SLFN14: variants seen among roughly 807,000 people sequenced by gnomAD.
The protein encoded by SLFN14 is protein SLFN14.
SLFN14 carries 47 observed loss-of-function variants against 58.6 expected under a neutral mutation model. That is an observed-to-expected ratio of 0.80 (90% CI 0.64 to 1.02). The LOEUF (loss-of-function observed/expected upper bound fraction) is 1.02. SLFN14 is among the 50% of genes least tolerant of loss of function. SLFN14 has a pLI of 0.00. For missense variants in SLFN14, 967 were observed against 1,078.4 expected (o/e 0.90, Z 1.45); for synonymous variants, 390 against 387.3 (o/e 1.01, Z -0.08).
In SLFN14 at chr17:35,553,432, T is replaced by C; in HGVS notation, c.1202A>G (p.Glu401Gly). The C allele has an allele frequency of 2.6e-6, 4 of 1,534,524 alleles. No homozygotes were observed. Among genetic ancestry groups the C allele is most frequent in the Non-Finnish European group, 3.5e-6 (4 of 1,138,150 alleles). Residue 401 changes from glutamate to glycine, a missense_variant, in exon 5 of 6, where the codon GAG becomes GGG. Coordinates refer to ENST00000674182, the MANE Select transcript of SLFN14 (RefSeq NM_001129820.2). ...GAGGGATTCTGGTTTAAATTGTACC[T>C]CTTCCTGTGTCACTGAAAATTCAAG... The part of the protein sequence containing the change: ...QRHLFPVTQE[E>G]VQFKPESLCK...
intron 3 of SLFN14, among the ~76,000 whole-genome samples, chr17:35,556,427 A>G (rs1051219760): frequency 1.9e-4 from 29 of 152,184 alleles, no homozygotes; most frequent in Non-Finnish European, 3.4e-4. Flanking sequence ...CAACAGGTTT[A>G]TAGACAATAA....
intron 3 of SLFN14, among the ~76,000 whole-genome samples, chr17:35,555,411 G>T (rs575927649): frequency 4.0e-5 from 6 of 151,702 alleles, no homozygotes; most frequent in Non-Finnish European, 8.8e-5. Context: ...AAAATTAGCT[G>T]GGCGTGGTGG....
chr17:35,552,692 A>G (rs1882643622), intron 5 of SLFN14, 38 bp downstream of exon 5: 1 of 1,334,496 alleles, frequency 7.5e-7, no homozygotes, highest in African/African-American at 1.5e-5. Flanking sequence ...ATATACACAT[A>G]CATATTTTTG....
At chr17:35,552,454 T>C (rs1443730975) in intron 5 of SLFN14, among the ~76,000 whole-genome samples, 2 of 152,048 alleles carry the variant, frequency 1.3e-5, no homozygotes, top group East Asian at 3.9e-4. Context: ...TAGCCAATCA[T>C]CTATTGCCTG....
chr17:35,544,589 C>T lies in SLFN14; in HGVS notation c.*3650G>A, dbSNP rs938554368. On this transcript the variant is annotated 3_prime_UTR_variant, in exon 6 of 6. Coordinates refer to ENST00000674182, the MANE Select transcript of SLFN14 (RefSeq NM_001129820.2). ...TGTTGCCCAGGCTGAAGTGCAGTGG[C>T]GCAATCTCAGCTCACTGCAACCTCC... is the stretch of plus-strand genomic sequence containing the variant. 1.4e-4 allele frequency among the ~76,000 whole-genome samples: 20 copies of T among 147,228 alleles called. No individual in the cohort carries two copies. Among genetic ancestry groups the T allele is most frequent in the African/African-American group, 2.6e-4 (10 of 39,210 alleles).
chr17:35,560,491 T>C (rs1276189941), intron 1 of SLFN14, among the ~76,000 whole-genome samples: 1 of 152,014 alleles, frequency 6.6e-6, no homozygotes, highest in Non-Finnish European at 1.5e-5. Context: ...CCACTCTCGA[T>C]ACATTTTTGT....
At position 35,545,006 on chromosome 17, in the gene SLFN14, A is replaced by G. The variant is rs1302328444; in HGVS notation, c.*3233T>C. ...ATCCATCATATTAAGACTTTGTAGA[A>G]AACATTGAGAATTCTAAAACAACCA... On this transcript the variant is annotated 3_prime_UTR_variant, in exon 6 of 6. Transcript: ENST00000674182. 6.6e-6 allele frequency among the ~76,000 whole-genome samples: 1 copy of G among 152,196 alleles called. No individual in the cohort carries two copies. Among genetic ancestry groups the G allele is most frequent in the Non-Finnish European group, 1.5e-5 (1 of 68,038 alleles).
rs1362472271 is a variant in SLFN14 at position 35,554,674 on chromosome 17, G to C, written c.1091C>G (p.Ser364Cys). The C allele has an allele frequency of 6.7e-7, 1 of 1,485,326 alleles. No individual in the cohort carries two copies. The highest frequency in any genetic ancestry group is 9.0e-7 in the Non-Finnish European group (1 of 1,110,868). 92.0% of individuals were successfully genotyped at this position (1,485,326 alleles called of 1,614,324 possible). A position where few individuals can be genotyped will look rare whatever the true frequency, so the allele number is the denominator to read the frequency against. ...AGATGAAGCTGATGAAATCAGGCAA[G>C]AGTTGTAGTCTGTGACCAAACTGGG... ...APPSLVTDYN[S>C]CLISSASSAR... Residue 364 changes from serine (S) to cysteine (C), a missense_variant, in exon 4 of 6, where the codon TCT becomes TGT. Ser to Cys is a moderately radical substitution (Grantham distance 112). Coordinates refer to ENST00000674182, the MANE Select transcript of SLFN14 (RefSeq NM_001129820.2).
chr17:35,560,764 T>A lies in SLFN14; in HGVS notation c.-124+3A>T, dbSNP rs1003084470. ...TTTTAAGAATTTTTTTTTTTTTTTT[T>A]ACCTATGCTCCTGTGTTTCCTCTTG... On this transcript the variant is annotated splice_donor_region_variant and intron_variant, in intron 1 of 5. Coordinates refer to ENST00000674182, the MANE Select transcript of SLFN14 (RefSeq NM_001129820.2). Among the ~76,000 whole-genome samples the A allele has an allele frequency of 6.6e-6, 1 of 151,870 alleles. No individual in the cohort carries two copies. The highest frequency in any genetic ancestry group is 1.9e-4 in the East Asian group (1 of 5,178).
In SLFN14 at chr17:35,545,976, T is replaced by A. The variant is rs1307664639; in HGVS notation, c.*2263A>T. 2.0e-5 allele frequency among the ~76,000 whole-genome samples: 3 copies of A among 152,190 alleles called. No individual in the cohort carries two copies. The highest frequency in any genetic ancestry group is 2.9e-5 in the Non-Finnish European group (2 of 68,018). ...TTATTCTACTTTCATCCTGATTGAA[T>A]TGTTTCACTAGACTAAGAACTGACA... On this transcript the variant is annotated 3_prime_UTR_variant, in exon 6 of 6. Transcript: ENST00000674182.
In SLFN14 at chr17:35,558,111, A is replaced by G. The variant is rs779829607; in HGVS notation, c.-44-5T>C. On this transcript the variant is annotated splice_region_variant and splice_polypyrimidine_tract_variant and intron_variant, in intron 2 of 5. Coordinates refer to ENST00000674182, the MANE Select transcript of SLFN14 (RefSeq NM_001129820.2). The stretch of plus-strand genomic sequence containing the variant: ...AACAATAAAAGAAAGGAGTTCCTAT[A>G]ATCAGGACAGAAATATTGTTTCTAT... The G allele has an allele frequency of 9.0e-6, 13 of 1,437,258 alleles. No homozygotes were observed. The South Asian group carries it at 1.6e-4, about 18-fold the overall frequency. 89.0% of individuals were successfully genotyped at this position (1,437,258 alleles called of 1,614,324 possible).
chr17:35,548,265 G>T lies in SLFN14; in HGVS notation c.2713C>A (p.Leu905Ile). The change falls in exon 6 of 6, where the codon CTT becomes ATT. Residue 905 changes from leucine (L) to isoleucine (I), a missense_variant. Coordinates refer to ENST00000674182, the MANE Select transcript of SLFN14 (RefSeq NM_001129820.2). ...CAGTAGGCTGCCCTCTTTTCATAAA[G>T]CAGGTAGAGGTGTTTAATGGCTCTT... The part of the protein sequence containing the change: ...ASRAIKHLYL[L>I]YEKRAAY The T allele has an allele frequency of 6.4e-7, 1 of 1,551,290 alleles. No homozygotes were observed. The highest frequency in any genetic ancestry group is 8.7e-7 in the Non-Finnish European group (1 of 1,146,762).
intron 2 of SLFN14, among the ~76,000 whole-genome samples, chr17:35,558,723 C>T (rs755592347): frequency 1.2e-4 from 19 of 152,030 alleles, no homozygotes; most frequent in Non-Finnish European, 1.8e-4. Context: ...AATCAGGAAA[C>T]GCCAACACTG....
chr17:35,551,639 A>G (rs1221569105), intron 5 of SLFN14, among the ~76,000 whole-genome samples: 2 of 152,040 alleles, frequency 1.3e-5, no homozygotes, highest in Admixed American at 1.3e-4. Flanking sequence ...CGGGTCTCTG[A>G]CTCCCTGGTC....
rs1176958761 is a variant in SLFN14 at position 35,547,108 on chromosome 17, A to G, written c.*1131T>C. On this transcript the variant is annotated 3_prime_UTR_variant, in exon 6 of 6. Coordinates refer to ENST00000674182, the MANE Select transcript of SLFN14 (RefSeq NM_001129820.2). ...GGATAAATGTAGGCAAAATTTGTATATGTTGGGGGCAGTAAGGAGAGGGTT... is the reference window on the plus strand; with the variant it reads ...GGATAAATGTAGGCAAAATTTGTATGTGTTGGGGGCAGTAAGGAGAGGGTT... Among the ~76,000 whole-genome samples, 1 of 152,174 alleles carries G rather than the reference A, an allele frequency of 6.6e-6. No homozygotes were observed. Among genetic ancestry groups the G allele is most frequent in the African/African-American group, 2.4e-5 (1 of 41,432 alleles).
rs777015044 is a variant in SLFN14, at chr17:35,548,329, A to G, written c.2649T>C (p.Cys883=). ...RTVVFGLSPE[C]DQSEEFHKLC... is the part of the protein sequence containing the mutation. Reference sequence around the variant, plus strand: ...GCTTATGAAATTCCTCTGACTGGTCACATTCTGGACTAAGCCCAAACACGA... The same window carrying G: ...GCTTATGAAATTCCTCTGACTGGTCGCATTCTGGACTAAGCCCAAACACGA... Residue 883 remains cysteine (C), a synonymous_variant, in exon 6 of 6, where the codon TGT becomes TGC. Coordinates refer to ENST00000674182, the MANE Select transcript of SLFN14 (RefSeq NM_001129820.2). The G allele has an allele frequency of 8.4e-6, 13 of 1,551,704 alleles. No homozygotes were observed. The South Asian group carries it at 1.3e-4, about 16-fold the overall frequency.
rs2072534383 is a variant in SLFN14, at chr17:35,546,328, AT to A, written c.*1910del. Among the ~76,000 whole-genome samples the A allele has an allele frequency of 6.6e-6, 1 of 152,230 alleles. No individual in the cohort carries two copies. Among genetic ancestry groups the A allele is most frequent in the African/African-American group, 2.4e-5 (1 of 41,460 alleles). ...GGTAAAAAGGAAGAAACACCAGGTA[AT>A]TAGAGCAGTAGGAAGCAAGGGAGAG... On this transcript the variant is annotated 3_prime_UTR_variant, in exon 6 of 6. Transcript: ENST00000674182.
intron 3 of SLFN14, among the ~76,000 whole-genome samples, chr17:35,555,313 A>G (rs969103025): frequency 6.6e-6 from 1 of 151,864 alleles, no homozygotes; most frequent in Non-Finnish European, 1.5e-5. Context: ...CGGAGCTTGC[A>G]GTGAGCCGAG....
intron 2 of SLFN14, among the ~76,000 whole-genome samples, chr17:35,559,398 T>A (rs76653886): frequency 0.033 from 5,008 of 152,188 alleles, 194 homozygotes; most frequent in East Asian, 0.15. Flanking sequence ...TCATATACAG[T>A]GTGATGTGAC....
Sources: allele counts gnomAD v4.1 joint callset (sites outside exome capture counted in the v4.1 genomes callset), GRCh38; gene constraint gnomAD v4.1.1; transcripts MANE v1.5; gene names NCBI Gene and HGNC (gene_info 2026-07-23, HGNC 2026-07-21).